The following COG6 variants were observed in gnomAD, a reference collection of about 807,000 sequenced individuals.
COG6 encodes the protein conserved oligomeric Golgi complex subunit 6.
Under a neutral mutation model 88.8 loss-of-function variants are expected in COG6, and 74 were observed. The observed-to-expected ratio is 0.83, with a 90% confidence interval of 0.69 to 1.01. The LOEUF (loss-of-function observed/expected upper bound fraction) is 1.01. Ranked by LOEUF, COG6 falls within the 50% of genes least tolerant of loss-of-function variation. COG6 has a pLI of 0.00. For synonymous variants in COG6, 286 were observed against 278.7 expected (o/e 1.03, Z -0.26); for missense variants, 800 against 797.9 (o/e 1.00, Z -0.03).
chr13:39,735,026 A>G (rs1201571636), intron 18 of COG6, among the ~76,000 whole-genome samples: 2 of 151,652 alleles, frequency 1.3e-5, no homozygotes, highest in Non-Finnish European at 2.9e-5. Flanking sequence ...TGTAGGCAAC[A>G]GATTTTTGGG....
intron 18 of COG6, among the ~76,000 whole-genome samples, chr13:39,744,065 A>G (rs1215467650): frequency 2.0e-5 from 3 of 152,228 alleles, no homozygotes; most frequent in Non-Finnish European, 2.9e-5. Flanking sequence ...CCTTCATGCT[A>G]AAAACTCTCA....
chr13:39,673,990 T>G (rs1376278535), intron 4 of COG6, among the ~76,000 whole-genome samples: 1 of 152,068 alleles, frequency 6.6e-6, no homozygotes, highest in African/African-American at 2.4e-5. Flanking sequence ...CAGCATTAGA[T>G]ATCATCTTTA....
chr13:39,752,630 C>T, downstream of COG6: 2 of 1,258,240 alleles, frequency 1.6e-6, no homozygotes, highest in Non-Finnish European at 2.1e-6. Context: ...TAAAATATTT[C>T]TAGAGCAGCA....
At chr13:39,678,757 A>T (rs576722234) in intron 5 of COG6, among the ~76,000 whole-genome samples, 6 of 152,162 alleles carry the variant, frequency 3.9e-5, no homozygotes, top group Non-Finnish European at 8.8e-5. Context: ...GGCTTGGCTA[A>T]AATGGAACCA....
chr13:39,760,488 A>G lies in COG6; in HGVS notation c.1827-27847A>G, dbSNP rs535229457. Among the ~76,000 whole-genome samples the G allele has an allele frequency of 5.3e-5, 8 of 152,294 alleles. No homozygotes were observed. In the South Asian group the frequency reaches 1.2e-3, roughly 24 times the overall value. On this transcript the variant is annotated intron_variant, in intron 18 of 18. Transcript: ENST00000416691. ...GTGCTGCTAAAAAAGAAAATAAACC[A>G]CAAAAACAGAAAGAACATCTCAATG...
chr13:39,694,670 G>A lies in COG6; in HGVS notation c.1111G>A (p.Ala371Thr). 7 of 1,602,212 alleles carry A rather than the reference G, an allele frequency of 4.4e-6. No individual in the cohort carries two copies. The highest frequency in any genetic ancestry group is 6.0e-6 in the Non-Finnish European group (7 of 1,171,278). Residue 371 changes from alanine to threonine, a missense_variant, in exon 12 of 19, where the codon GCA becomes ACA. Physicochemically the swap from Ala to Thr is moderately conservative, Grantham distance 58. Coordinates refer to ENST00000455146, the MANE Select transcript of COG6 (RefSeq NM_020751.3). ...GCAAGTAATAGTTGCTGAACCTGGGGCAGTTTTATTATATAAAATTTCTAA... is the reference window on the plus strand; with the variant it reads ...GCAAGTAATAGTTGCTGAACCTGGGACAGTTTTATTATATAAAATTTCTAA... ...IEQVIVAEPG[A>T]VLLYKISNLL...
At chr13:39,713,333 A>T (rs1049460319) in intron 13 of COG6, among the ~76,000 whole-genome samples, 1 of 152,254 alleles carries the variant, frequency 6.6e-6, no homozygotes, top group African/African-American at 2.4e-5. Context: ...TTTGGCCTCC[A>T]CAGCCTTATA....
chr13:39,725,495 A>G (rs901824994), intron 17 of COG6, among the ~76,000 whole-genome samples: 1 of 151,948 alleles, frequency 6.6e-6, no homozygotes, highest in Non-Finnish European at 1.5e-5. Flanking sequence ...TTTCCTATAT[A>G]TTATCTTCCA....
intron 10 of COG6, among the ~76,000 whole-genome samples, chr13:39,688,490 AGAGAGATGG>A (rs1024267335): frequency 2.0e-5 from 3 of 152,134 alleles, no homozygotes; most frequent in Non-Finnish European, 4.4e-5. Context: ...GGAGCAAGAC[AGAGAGATGG>A]GAGAGATGGG....
chr13:39,745,143 A>G (rs938846124), intron 18 of COG6, among the ~76,000 whole-genome samples: 3 of 152,248 alleles, frequency 2.0e-5, no homozygotes, highest in Non-Finnish European at 4.4e-5. Context: ...AAACCCTAGA[A>G]GAAAACTTAG....
chr13:39,660,941 T>G, intron 3 of COG6, 60 bp downstream of exon 3: 1 of 981,240 alleles, frequency 1.0e-6, no homozygotes, highest in Non-Finnish European at 1.6e-6. Flanking sequence ...AAAATTATTA[T>G]TGACAAAATG....
intron 18 of COG6, among the ~76,000 whole-genome samples, chr13:39,778,070 G>A (rs1881517102): frequency 6.6e-6 from 1 of 152,212 alleles, no homozygotes; most frequent in Non-Finnish European, 1.5e-5. Flanking sequence ...ATAACTATGT[G>A]CAGAAGTTAT....
intron 18 of COG6, among the ~76,000 whole-genome samples, chr13:39,786,725 T>C (rs1881784223): frequency 6.6e-6 from 1 of 152,194 alleles, no homozygotes; most frequent in South Asian, 2.1e-4. Flanking sequence ...TTGAGGTCTC[T>C]GGATTCCAGA....
intron 18 of COG6, among the ~76,000 whole-genome samples, chr13:39,767,844 G>A (rs1197455543): frequency 6.6e-6 from 1 of 152,204 alleles, no homozygotes; most frequent in Non-Finnish European, 1.5e-5. Context: ...CCATGCCAAG[G>A]TGAGCTAGAG....
chr13:39,694,955 GCACACACACACACA>G (rs5803006), intron 12 of COG6, among the ~76,000 whole-genome samples: 3 of 142,642 alleles, frequency 2.1e-5, no homozygotes, highest in East Asian at 4.2e-4. Context: ...TTAACTACAC[GCACACACACACACA>G]CACACACACA....
chr13:39,712,597 G>A (rs1878302179), intron 13 of COG6, among the ~76,000 whole-genome samples: 1 of 152,212 alleles, frequency 6.6e-6, no homozygotes, highest in Non-Finnish European at 1.5e-5. Flanking sequence ...GAAATAAGGA[G>A]TCTAATCTGT....
At chr13:39,758,179 C>A (rs1880901081) in intron 18 of COG6, among the ~76,000 whole-genome samples, 1 of 144,344 alleles carries the variant, frequency 6.9e-6, no homozygotes, top group Non-Finnish European at 1.5e-5. Context: ...GAGATTGTGC[C>A]ACTGCACTTC....
At chr13:39,738,714 T>C (rs1879895349) in intron 18 of COG6, among the ~76,000 whole-genome samples, 1 of 152,140 alleles carries the variant, frequency 6.6e-6, no homozygotes, top group Non-Finnish European at 1.5e-5. Flanking sequence ...AGATATACCA[T>C]GCAAGCACTA....
intron 18 of COG6, among the ~76,000 whole-genome samples, chr13:39,728,150 C>A (rs1009769464): frequency 6.6e-6 from 1 of 151,962 alleles, no homozygotes; most frequent in Non-Finnish European, 1.5e-5. Context: ...TCTATTCAAA[C>A]AGCAGTGCAG....
Sources: allele counts gnomAD v4.1 joint callset (sites outside exome capture counted in the v4.1 genomes callset), GRCh38; gene constraint gnomAD v4.1.1; transcripts MANE v1.5; gene names NCBI Gene and HGNC (gene_info 2026-07-23, HGNC 2026-07-21).